The following RYR3 variants were observed in gnomAD, a reference collection of about 807,000 sequenced individuals.
RYR3 encodes ryanodine receptor 3.
In RYR3, 207 loss-of-function variants were observed where a neutral mutation model predicts 584.3. The observed-to-expected ratio is 0.35, with a 90% CI of 0.32 to 0.40. RYR3 has a LOEUF of 0.40. RYR3 is among the 10% of genes least tolerant of loss of function. The pLI is 1.00. For missense variants in RYR3, 5,616 were observed against 6,089.2 expected (o/e 0.92, Z 2.59); for synonymous variants, 2,416 against 2,248.5 (o/e 1.07, Z -2.11).
intron 1 of RYR3, among the ~76,000 whole-genome samples, chr15:33,463,071 G>C (rs115914395): frequency 3.3e-3 from 503 of 152,102 alleles, no homozygotes; most frequent in African/African-American, 0.012. Flanking sequence ...GCAGGCGGTG[G>C]GAGGATTGCT....
At chr15:33,679,690 C>T (rs1429772527) in intron 38 of RYR3, among the ~76,000 whole-genome samples, 1 of 152,144 alleles carries the variant, frequency 6.6e-6, no homozygotes, top group Non-Finnish European at 1.5e-5. Context: ...GACTCTTATT[C>T]CCTGACCAGT....
At position 33,540,883 on chromosome 15, in the gene RYR3, C is replaced by T. The variant is rs1467070057; in HGVS notation, c.639C>T (p.Ile213=). ...NVHPTCSGSS[I]EEGYLLGGHV... Reference sequence around the variant, plus strand: ...ATCCTACGTGCTCAGGAAGTAGCATCGAAGAAGGTGTGCTTCTTTAAATGC... The same window carrying T: ...ATCCTACGTGCTCAGGAAGTAGCATTGAAGAAGGTGTGCTTCTTTAAATGC... Residue 213 remains isoleucine (I), a synonymous_variant, in exon 7 of 104, where the codon ATC becomes ATT. Coordinates refer to ENST00000634891, the MANE Select transcript of RYR3 (RefSeq NM_001036.6). 1 of 1,606,604 alleles carries T rather than the reference C, an allele frequency of 6.2e-7. No homozygotes were observed. The highest frequency in any genetic ancestry group is 8.5e-7 in the Non-Finnish European group (1 of 1,173,406).
intron 42 of RYR3, among the ~76,000 whole-genome samples, chr15:33,704,008 G>A (rs1332829944): frequency 2.0e-5 from 3 of 152,102 alleles, no homozygotes; most frequent in Non-Finnish European, 4.4e-5. Context: ...GGTGGCTCAC[G>A]CCTGTAATCC....
intron 2 of RYR3, among the ~76,000 whole-genome samples, chr15:33,496,186 G>A (rs1305110515): frequency 6.6e-6 from 1 of 152,164 alleles, no homozygotes; most frequent in Admixed American, 6.6e-5. Context: ...CCATCATAGG[G>A]AGATGGCAGT....
At chr15:33,489,409 T>G in intron 2 of RYR3, among the ~76,000 whole-genome samples, 1 of 152,152 alleles carries the variant, frequency 6.6e-6, no homozygotes. Flanking sequence ...TTCTTTGTGC[T>G]CATAAGCTCT....
intron 102 of RYR3, 113 bp downstream of exon 102, chr15:33,861,291 A>G (rs1287808702): frequency 5.9e-6 from 4 of 677,106 alleles, no homozygotes; most frequent in African/African-American, 5.4e-5. Flanking sequence ...AACTTCCAGG[A>G]GTCCCCATGA....
chr15:33,737,716 T>A (rs950704669), intron 49 of RYR3, among the ~76,000 whole-genome samples: 13 of 152,190 alleles, frequency 8.5e-5, no homozygotes, highest in African/African-American at 3.1e-4. Flanking sequence ...CCATCTTAAT[T>A]TGGTATTGCT....
chr15:33,808,083 C>T (rs1209075144), intron 70 of RYR3, among the ~76,000 whole-genome samples: 2 of 152,280 alleles, frequency 1.3e-5, no homozygotes, highest in African/African-American at 4.8e-5. Context: ...TTTTCTCTTC[C>T]TCTTAATTAA....
rs764349341 is a variant in RYR3, at chr15:33,854,279, C to G, written c.13800-110C>G. 2.1e-5 allele frequency: 16 copies of G among 771,098 alleles called. No individual in the cohort carries two copies. In the East Asian group the frequency reaches 4.4e-4, roughly 21 times the overall value. The allele number at this position is 771,098 out of a possible 1,614,324, so 47.8% of individuals were successfully genotyped here. ...ACATACAACTTGATAAAGCTGAGAGCCATATTTAGGTTATTAAACCTGAGA... is the reference window on the plus strand; with the variant it reads ...ACATACAACTTGATAAAGCTGAGAGGCATATTTAGGTTATTAAACCTGAGA... On this transcript the variant is annotated intron_variant, in intron 96 of 103. Transcript: ENST00000634891.
chr15:33,714,919 A>G (rs2067386547), intron 43 of RYR3, among the ~76,000 whole-genome samples: 1 of 152,228 alleles, frequency 6.6e-6, no homozygotes, highest in African/African-American at 2.4e-5. Flanking sequence ...ATTACTAAAA[A>G]CTTTGTAATC....
At chr15:33,317,820 T>A (rs1468607648) in intron 1 of RYR3, among the ~76,000 whole-genome samples, 1 of 152,188 alleles carries the variant, frequency 6.6e-6, no homozygotes, top group Non-Finnish European at 1.5e-5. Flanking sequence ...AGTCATACTC[T>A]GGGCTATTGT....
rs1300407225 is a variant in RYR3, at chr15:33,860,646, G to A, written c.14351G>A (p.Arg4784Gln). 2.5e-6 allele frequency: 4 copies of A among 1,591,466 alleles called. No homozygotes were observed. The highest frequency in any genetic ancestry group is 8.6e-7 in the Non-Finnish European group (1 of 1,167,128). The change falls in exon 101 of 104, where the codon CGA (arginine) becomes CAA (glutamine). Residue 4784 changes from arginine (R) to glutamine (Q), a missense_variant. Arg to Gln is a conservative substitution (Grantham distance 43, BLOSUM62 1). Transcript: ENST00000634891. ...CTAAGAGACCAGCAGGAACAAGTAC[G>A]AGAAGATATGGAGGTAATGTTACTC... ...GELRDQQEQV[R>Q]EDMETKCFIC... is the part of the protein sequence containing the mutation.
At chr15:33,339,516 A>G (rs757259047) in intron 1 of RYR3, among the ~76,000 whole-genome samples, 4 of 152,182 alleles carry the variant, frequency 2.6e-5, no homozygotes, top group African/African-American at 4.8e-5. Flanking sequence ...CCTAGTGGAT[A>G]TGGAAGAGGA....
At chr15:33,648,118 C>T (rs2062213863) in intron 30 of RYR3, among the ~76,000 whole-genome samples, 1 of 151,952 alleles carries the variant, frequency 6.6e-6, no homozygotes, top group South Asian at 2.1e-4. Flanking sequence ...AAATCACTCA[C>T]TTAGTCTGTG....
chr15:33,708,541 A>G (rs568430065), intron 43 of RYR3, among the ~76,000 whole-genome samples: 54 of 152,232 alleles, frequency 3.5e-4, no homozygotes, highest in Non-Finnish European at 6.3e-4. Context: ...TTTTCAGGTT[A>G]TTTTATATCT....
chr15:33,605,226 A>C lies in RYR3; in HGVS notation c.2164+1862A>C, dbSNP rs563659705. 4.6e-5 allele frequency among the ~76,000 whole-genome samples: 7 copies of C among 152,340 alleles called. No individual in the cohort carries two copies. In the South Asian group the frequency reaches 1.4e-3, roughly 32 times the overall value. On this transcript the variant is annotated intron_variant, in intron 18 of 103. Transcript: ENST00000634891. ...TCCCTTTGTAGAAATTTGAGGAATG[A>C]ATACATCAGTGAGTCAGGAGGCATG... is the stretch of plus-strand genomic sequence containing the variant.
rs750836713 is a variant in RYR3 at position 33,788,429 on chromosome 15, C to T, written c.9801C>T (p.Pro3267=). ...GCAGAGATCTCTATGCCTTCTACCC[C>T]ATGCTGATCCGCTACGTGGACAACA... ...VLCRDLYAFY[P]MLIRYVDNNR... Residue 3267 remains proline, a synonymous_variant, in exon 67 of 104, where the codon CCC becomes CCT. Transcript: ENST00000634891. 1.9e-6 allele frequency: 3 copies of T among 1,613,914 alleles called. No homozygotes were observed. The highest frequency in any genetic ancestry group is 1.7e-6 in the Non-Finnish European group (2 of 1,179,806).
intron 2 of RYR3, among the ~76,000 whole-genome samples, chr15:33,489,414 A>G (rs1021583029): frequency 1.2e-4 from 19 of 152,190 alleles, no homozygotes; most frequent in African/African-American, 4.6e-4. Flanking sequence ...TGTGCTCATA[A>G]GCTCTCACCA....
rs2063810572 is a variant in RYR3, at chr15:33,671,106, A to T, written c.5860+550A>T. On this transcript the variant is annotated intron_variant, in intron 38 of 103. Transcript: ENST00000634891. Reference sequence around the variant, plus strand: ...ACAATGCCGAGCTTTGTCTAGATTTATCTCTCTAATCCTTATACTATAGAT... The same window carrying T: ...ACAATGCCGAGCTTTGTCTAGATTTTTCTCTCTAATCCTTATACTATAGAT... Among the ~76,000 whole-genome samples the T allele has an allele frequency of 2.0e-5, 3 of 152,118 alleles. No individual in the cohort carries two copies. In the South Asian group the frequency reaches 6.2e-4, roughly 32 times the overall value.
Sources: gnomAD v4.1 joint callset for allele counts (sites outside exome capture counted in the v4.1 genomes callset) on GRCh38, gnomAD v4.1.1 for gene constraint, MANE v1.5 for transcripts, NCBI Gene and HGNC (gene_info 2026-07-23, HGNC 2026-07-21) for gene names.